Variants in UGGT2 observed in about 807,000 individuals in gnomAD.
The protein encoded by UGGT2 is UDP-glucose glycoprotein glucosyltransferase 2, also known as UDP-glucose:glycoprotein glucosyltransferase 2.
In UGGT2, 180 loss-of-function variants were observed where a neutral mutation model predicts 192.1. The ratio of observed to expected loss-of-function variants is 0.94; its 90% CI spans 0.83 to 1.06. The LOEUF (loss-of-function observed/expected upper bound fraction) is 1.06, where lower values mean the gene tolerates loss of function less well. UGGT2 is among the 50% of genes least tolerant of loss of function. The pLI is 0.00. For missense variants in UGGT2, 1,849 were observed against 1,795.7 expected (o/e 1.03, Z -0.54); for synonymous variants, 580 against 591.0 (o/e 0.98, Z 0.27).
intron 22 of UGGT2, 38 bp downstream of exon 22, chr13:95,900,769 G>A (rs1476343795): frequency 1.3e-6 from 2 of 1,587,900 alleles, no homozygotes; most frequent in Non-Finnish European, 1.7e-6. Context: ...GCACTGCAGT[G>A]TCACTGAGAA....
chr13:95,853,996 C>T (rs888329854), intron 35 of UGGT2, among the ~76,000 whole-genome samples: 5 of 152,154 alleles, frequency 3.3e-5, no homozygotes, highest in African/African-American at 9.6e-5. Context: ...TAGTTAGGAG[C>T]CATATTACTT....
Position 96,053,140 on chromosome 13 carries a change from C to T in UGGT2, c.158+15G>A. On this transcript the variant is annotated intron_variant, in intron 1 of 38. Coordinates refer to ENST00000376747, the MANE Select transcript of UGGT2 (RefSeq NM_020121.4). Reference sequence around the variant, plus strand: ...CGCCCACACCCGCCCGGACGAGGGCCCGGCCCGCACCCACCTTGCCTCCAG... The same window carrying T: ...CGCCCACACCCGCCCGGACGAGGGCTCGGCCCGCACCCACCTTGCCTCCAG... The T allele has an allele frequency of 1.3e-6, 2 of 1,488,152 alleles. No homozygotes were observed. The highest frequency in any genetic ancestry group is 1.8e-6 in the Non-Finnish European group (2 of 1,121,832). The allele number at this position is 1,488,152 out of a possible 1,614,324, so 92.2% of individuals were successfully genotyped here. A position where few individuals can be genotyped will look rare whatever the true frequency, so the allele number is the denominator to read the frequency against.
chr13:95,968,512 G>A (rs931371371), intron 12 of UGGT2, among the ~76,000 whole-genome samples: 2 of 152,134 alleles, frequency 1.3e-5, no homozygotes, highest in Non-Finnish European at 2.9e-5. Flanking sequence ...GATCCCTCAT[G>A]TCTTGGTGTT....
At chr13:95,961,412 T>C (rs1292264715) in intron 12 of UGGT2, among the ~76,000 whole-genome samples, 3 of 152,098 alleles carry the variant, frequency 2.0e-5, no homozygotes, top group African/African-American at 7.2e-5. Flanking sequence ...TGGAAAAAGA[T>C]AATCCATGCA....
chr13:96,018,519 A>AAAAT (rs911565390), intron 4 of UGGT2, among the ~76,000 whole-genome samples: 1 of 152,180 alleles, frequency 6.6e-6, no homozygotes, highest in Non-Finnish European at 1.5e-5. Flanking sequence ...TTGTCTCAAA[A>AAAAT]AAATAAATAA....
At chr13:95,905,880 A>G (rs2048274638) in intron 20 of UGGT2, among the ~76,000 whole-genome samples, 1 of 152,134 alleles carries the variant, frequency 6.6e-6, no homozygotes, top group South Asian at 2.1e-4. Context: ...TCTGGAATCA[A>G]TTTTTGTGTA....
intron 10 of UGGT2, among the ~76,000 whole-genome samples, chr13:95,977,920 T>C (rs907246993): frequency 6.6e-6 from 1 of 152,222 alleles, no homozygotes; most frequent in Non-Finnish European, 1.5e-5. Context: ...GAAGCCATCA[T>C]TCTCAGCAAA....
intron 17 of UGGT2, among the ~76,000 whole-genome samples, chr13:95,932,837 C>G (rs986475512): frequency 1.3e-5 from 2 of 152,168 alleles, no homozygotes; most frequent in African/African-American, 4.8e-5. Context: ...CAGCATCTAT[C>G]AAAATGATCA....
chr13:95,986,394 G>T lies in UGGT2; in HGVS notation c.970C>A (p.Pro324Thr). The T allele has an allele frequency of 6.2e-7, 1 of 1,603,206 alleles. No homozygotes were observed. The highest frequency in any genetic ancestry group is 1.1e-5 in the South Asian group (1 of 89,732). ...ATTAATTTAATGGAATCATAAACTG[G>T]AGCGGACATTATTTGAGAAGCTGCT... ...FQAASQIMSA[P>T]VYDSIKLMKD... Residue 324 changes from proline (P) to threonine (T), a missense_variant, in exon 9 of 39, where the codon CCA becomes ACA. Coordinates refer to ENST00000376747, the MANE Select transcript of UGGT2 (RefSeq NM_020121.4).
chr13:96,011,007 T>G (rs1158588508), intron 5 of UGGT2, among the ~76,000 whole-genome samples: 1 of 152,134 alleles, frequency 6.6e-6, no homozygotes. Flanking sequence ...GGAAATTCAA[T>G]GGAGAAGGAC....
Position 95,990,090 on chromosome 13 carries a change from A to C in UGGT2, c.831-17T>G, listed in dbSNP as rs1402219897. The C allele has an allele frequency of 1.3e-6, 2 of 1,533,022 alleles. No individual in the cohort carries two copies. The highest frequency in any genetic ancestry group is 1.8e-6 in the Non-Finnish European group (2 of 1,121,936). 95.0% of individuals were successfully genotyped at this position (1,533,022 alleles called of 1,614,324 possible). A position where few individuals can be genotyped will look rare whatever the true frequency, so the allele number is the denominator to read the frequency against. On this transcript the variant is annotated splice_polypyrimidine_tract_variant and intron_variant, in intron 7 of 38. Transcript: ENST00000376747. ...TATATTTCTCTGCATCAAAATATTA[A>C]GTGATGTTAAGTAGCATCACCTATC...
intron 22 of UGGT2, among the ~76,000 whole-genome samples, chr13:95,896,481 A>G (rs1460705455): frequency 6.6e-6 from 1 of 152,170 alleles, no homozygotes; most frequent in Non-Finnish European, 1.5e-5. Context: ...ATTCAATGTT[A>G]CATTTCTGAA....
chr13:95,967,300 G>A (rs754518315), intron 12 of UGGT2, among the ~76,000 whole-genome samples: 11 of 151,474 alleles, frequency 7.3e-5, no homozygotes, highest in South Asian at 2.1e-4. Context: ...CTACAGGCAC[G>A]TACCACCACA....
At chr13:96,049,166 G>C (rs1013021852) in intron 1 of UGGT2, among the ~76,000 whole-genome samples, 7 of 152,178 alleles carry the variant, frequency 4.6e-5, no homozygotes, top group Non-Finnish European at 7.3e-5. Context: ...GGGATGCAAG[G>C]CTGTTTCAAC....
At chr13:95,947,005 C>T (rs755248542) in intron 15 of UGGT2, 32 bp downstream of exon 15, 1 of 1,513,680 alleles carries the variant, frequency 6.6e-7, no homozygotes, top group Non-Finnish European at 8.8e-7. Flanking sequence ...ATTTTACCTT[C>T]TAAACAAATC....
intron 38 of UGGT2, among the ~76,000 whole-genome samples, chr13:95,803,472 C>CTGGT (rs1018732835): frequency 3.3e-5 from 5 of 152,042 alleles, no homozygotes; most frequent in African/African-American, 7.2e-5. Context: ...GTTGGTCAGG[C>CTGGT]TGGTCTCGAA....
chr13:96,033,337 C>T (rs527348166), intron 1 of UGGT2, among the ~76,000 whole-genome samples: 195 of 152,274 alleles, frequency 1.3e-3, no homozygotes, highest in Non-Finnish European at 1.9e-3. Context: ...GTGTACTCCA[C>T]GGAGCTGGTG....
chr13:95,881,328 A>G (rs186190407), intron 27 of UGGT2, among the ~76,000 whole-genome samples: 6 of 152,282 alleles, frequency 3.9e-5, no homozygotes, highest in Non-Finnish European at 7.4e-5. Flanking sequence ...CTGATATATA[A>G]ATTTTCAAGT....
chr13:95,961,595 T>A (rs900357963), intron 12 of UGGT2, among the ~76,000 whole-genome samples: 6 of 152,132 alleles, frequency 3.9e-5, no homozygotes, highest in African/African-American at 1.4e-4. Flanking sequence ...TACCTACACA[T>A]ATAAAGCAAA....
Sources: gnomAD v4.1 joint callset for allele counts (sites outside exome capture counted in the v4.1 genomes callset) on GRCh38, gnomAD v4.1.1 for gene constraint, MANE v1.5 for transcripts, NCBI Gene and HGNC (gene_info 2026-07-23, HGNC 2026-07-21) for gene names.